PTPN4: variants seen among roughly 807,000 people sequenced by gnomAD.
PTPN4 encodes the protein protein tyrosine phosphatase non-receptor type 4.
In PTPN4, 49 loss-of-function variants were observed where a neutral mutation model predicts 135.5. The ratio of observed to expected loss-of-function variants is 0.36; its 90% CI spans 0.29 to 0.46. The LOEUF is 0.46. Among genes scored for constraint, PTPN4 ranks in the 20% least tolerant of loss-of-function variants. The pLI, the probability that PTPN4 is intolerant of heterozygous loss-of-function variation, is 1.00. For missense variants in PTPN4, 860 were observed against 1,101.0 expected, an observed-to-expected ratio of 0.78 and a Z score of 3.10; for synonymous variants, 333 against 369.9, an observed-to-expected ratio of 0.90 and a Z score of 1.14.
intron 26 of PTPN4, among the ~76,000 whole-genome samples, chr2:119,970,920 T>TACA (rs1679524937): frequency 6.6e-6 from 1 of 152,240 alleles, no homozygotes; most frequent in Non-Finnish European, 1.5e-5. Flanking sequence ...GCAGTGTATG[T>TACA]GGCTTTTGTT....
chr2:119,921,272 C>T (rs1678733515), intron 12 of PTPN4, among the ~76,000 whole-genome samples: 1 of 152,010 alleles, frequency 6.6e-6, no homozygotes, highest in Non-Finnish European at 1.5e-5. Context: ...GGTGACAGAG[C>T]AAGACTCCAT....
intron 9 of PTPN4, among the ~76,000 whole-genome samples, chr2:119,897,222 C>T (rs891867934): frequency 1.3e-5 from 2 of 152,138 alleles, no homozygotes; most frequent in African/African-American, 4.8e-5. Context: ...CATGAGCCAC[C>T]ACACCCAGCC....
At chr2:119,894,305 A>G (rs375071907) in intron 9 of PTPN4, among the ~76,000 whole-genome samples, 220 of 152,350 alleles carry the variant, frequency 1.4e-3, no homozygotes, top group African/African-American at 4.6e-3. Context: ...CTCAGATTGG[A>G]GCTATACATA....
chr2:119,920,015 G>T (rs749675150), intron 11 of PTPN4, 54 bp from the exon 12 acceptor site: 1 of 1,547,188 alleles, frequency 6.5e-7, no homozygotes, highest in Non-Finnish European at 8.7e-7. Flanking sequence ...ATTAAATGGA[G>T]CATTAGATCC....
chr2:119,871,251 G>T (rs939607224), intron 3 of PTPN4, among the ~76,000 whole-genome samples: 2 of 151,066 alleles, frequency 1.3e-5, no homozygotes, highest in African/African-American at 4.9e-5. Context: ...GACAGTTGGT[G>T]AGAGTGTAAA....
At chr2:119,770,371 T>C (rs1690711522) in intron 1 of PTPN4, among the ~76,000 whole-genome samples, 1 of 152,248 alleles carries the variant, frequency 6.6e-6, no homozygotes, top group South Asian at 2.1e-4. Flanking sequence ...TTAAATTGTA[T>C]TTTCGTATTT....
chr2:119,809,963 A>G lies in PTPN4; in HGVS notation c.110A>G (p.Asp37Gly). The G allele has an allele frequency of 6.2e-7, 1 of 1,613,152 alleles. No homozygotes were observed. The highest frequency in any genetic ancestry group is 8.5e-7 in the Non-Finnish European group (1 of 1,179,580). ...GTGGTTTGCAACATCCTTCTTCTGG[A>G]TAACACTGTACAAGCTTTCAAAGTC... Reference protein sequence around the residue: ...TEVVCNILLLDNTVQAFKVNK... With the variant: ...TEVVCNILLLGNTVQAFKVNK... Residue 37 changes from aspartate to glycine, a missense_variant, in exon 2 of 27, where the codon GAT becomes GGT. Transcript: ENST00000263708.
intron 1 of PTPN4, among the ~76,000 whole-genome samples, chr2:119,789,618 C>G (rs1691105941): frequency 6.6e-6 from 1 of 152,142 alleles, no homozygotes; most frequent in Non-Finnish European, 1.5e-5. Flanking sequence ...TTATCCATCT[C>G]AGAGGATTTT....
At chr2:119,805,158 T>G (rs1204535525) in intron 1 of PTPN4, among the ~76,000 whole-genome samples, 1 of 152,208 alleles carries the variant, frequency 6.6e-6, no homozygotes, top group Non-Finnish European at 1.5e-5. Flanking sequence ...ATAAATTTGT[T>G]TAAGTTCTTT....
intron 15 of PTPN4, among the ~76,000 whole-genome samples, chr2:119,936,999 A>G (rs185234416): frequency 6.6e-6 from 1 of 152,356 alleles, no homozygotes; most frequent in East Asian, 1.9e-4. Context: ...TCACTTTTAC[A>G]TAAATTATCT....
intron 2 of PTPN4, among the ~76,000 whole-genome samples, chr2:119,851,868 C>T (rs1677597934): frequency 6.6e-6 from 1 of 152,230 alleles, no homozygotes. Flanking sequence ...GATCACCTGA[C>T]ATTCCTGGTG....
At chr2:119,809,265 T>A (rs1691535547) in intron 1 of PTPN4, among the ~76,000 whole-genome samples, 1 of 152,010 alleles carries the variant, frequency 6.6e-6, no homozygotes. Context: ...GGTTAAAAAT[T>A]CAGAAGCAAA....
intron 2 of PTPN4, among the ~76,000 whole-genome samples, chr2:119,837,509 C>T (rs1249155637): frequency 6.6e-6 from 1 of 152,178 alleles, no homozygotes; most frequent in Non-Finnish European, 1.5e-5. Flanking sequence ...CTCTGCCTTG[C>T]TCACCTCCAG....
intron 2 of PTPN4, among the ~76,000 whole-genome samples, chr2:119,859,360 G>A (rs1041468705): frequency 1.3e-5 from 2 of 152,190 alleles, no homozygotes; most frequent in African/African-American, 4.8e-5. Context: ...CGAGACTTTG[G>A]ATCGCATTTA....
intron 2 of PTPN4, among the ~76,000 whole-genome samples, chr2:119,834,602 T>C (rs1378101221): frequency 6.6e-6 from 1 of 152,118 alleles, no homozygotes; most frequent in African/African-American, 2.4e-5. Context: ...GTGGGAGTAC[T>C]AAATATAATA....
intron 1 of PTPN4, among the ~76,000 whole-genome samples, chr2:119,793,907 G>A (rs1295918867): frequency 7.9e-6 from 1 of 127,140 alleles, no homozygotes; most frequent in Non-Finnish European, 1.6e-5. Context: ...CCAGGTTGGA[G>A]TGCAGTGGCT....
At position 119,978,798 on chromosome 2, in the gene PTPN4, G is replaced by A. The variant is rs1215566668; in HGVS notation, c.*1728G>A. 1 of 152,060 alleles carries A rather than the reference G, an allele frequency of 6.6e-6. No homozygotes were observed. Among genetic ancestry groups the A allele is most frequent in the African/African-American group, 2.4e-5 (1 of 41,430 alleles). 9.4% of individuals were successfully genotyped at this position (152,060 alleles called of 1,614,324 possible). ...TATTTTGGAAAGCCATTTAGTATGAGGGGAAGAGTACACATTTTAAATCTT... is the reference window on the plus strand; with the variant it reads ...TATTTTGGAAAGCCATTTAGTATGAAGGGAAGAGTACACATTTTAAATCTT... On this transcript the variant is annotated 3_prime_UTR_variant, in exon 27 of 27. Transcript: ENST00000263708.
intron 10 of PTPN4, among the ~76,000 whole-genome samples, chr2:119,908,866 C>G (rs1678527238): frequency 1.3e-5 from 2 of 152,092 alleles, no homozygotes; most frequent in Admixed American, 1.3e-4. Flanking sequence ...CCAAATGATA[C>G]AAAAGTGAAA....
intron 5 of PTPN4, among the ~76,000 whole-genome samples, chr2:119,877,994 A>T (rs1046790092): frequency 4.6e-5 from 7 of 152,102 alleles, no homozygotes; most frequent in African/African-American, 1.7e-4. Context: ...GTCAGTAGGT[A>T]CCTTTTGTCC....
Sources: gnomAD v4.1 joint callset for allele counts (sites outside exome capture counted in the v4.1 genomes callset) on GRCh38, gnomAD v4.1.1 for gene constraint, MANE v1.5 for transcripts, NCBI Gene and HGNC (gene_info 2026-07-23, HGNC 2026-07-21) for gene names.